Variants in CELF2 observed in about 807,000 individuals in gnomAD.
CELF2 encodes the protein CUG triplet repeat RNA-binding protein 2.
In CELF2, 8 loss-of-function variants were observed where a neutral mutation model predicts 62.6. The ratio of observed to expected loss-of-function variants is 0.13; its 90% CI spans 0.07 to 0.23. CELF2 has a LOEUF of 0.23. CELF2 is among the 10% of genes least tolerant of loss of function. CELF2 has a pLI of 1.00. For missense variants in CELF2, 333 were observed against 671.0 expected, an observed-to-expected ratio of 0.50 and a Z score of 5.56; for synonymous variants, 258 against 250.0, an observed-to-expected ratio of 1.03 and a Z score of -0.30.
intron 1 of CELF2, among the ~76,000 whole-genome samples, chr10:11,045,510 A>C (rs2062656033): frequency 2.6e-5 from 4 of 152,240 alleles, no homozygotes; most frequent in Non-Finnish European, 1.5e-5. Context: ...AGTTTGTGTG[A>C]GAATTCAATG....
chr10:11,033,944 A>G (rs997142429), intron 1 of CELF2, among the ~76,000 whole-genome samples: 1 of 152,198 alleles, frequency 6.6e-6, no homozygotes, highest in African/African-American at 2.4e-5. Context: ...TTTCTGTACT[A>G]CCTGTTCCCT....
the CELF2 span, among the ~76,000 whole-genome samples, chr10:10,770,130 G>A: frequency 6.6e-6 from 1 of 152,200 alleles, no homozygotes; most frequent in Admixed American, 6.5e-5. Flanking sequence ...AGAGCTTCTA[G>A]ATGGATGCGG....
chr10:10,831,380 A>G (rs1421011940), intron 1 of CELF2, among the ~76,000 whole-genome samples: 1 of 152,180 alleles, frequency 6.6e-6, no homozygotes, highest in Non-Finnish European at 1.5e-5. Flanking sequence ...TGCCCTTCCT[A>G]CATCAGGCAG....
chr10:10,600,485 G>A, the CELF2 span, among the ~76,000 whole-genome samples: 1 of 152,174 alleles, frequency 6.6e-6, no homozygotes, highest in African/African-American at 2.4e-5. Flanking sequence ...AGACATGGAA[G>A]TTACCTGCAT....
rs185801986 is a variant in CELF2 at position 11,198,342 on chromosome 10, T to A, written c.272-19083T>A. Among the ~76,000 whole-genome samples the A allele has an allele frequency of 5.4e-4, 83 of 152,356 alleles. 1 individual carries two copies. The highest frequency in any genetic ancestry group is 1.9e-3 in the African/African-American group (81 of 41,580). Reference sequence around the variant, plus strand: ...CTTTCCCAAATTGGGTAGTTCTATTTTGTTATCTTCTGAAGGGAAAACATG... The same window carrying A: ...CTTTCCCAAATTGGGTAGTTCTATTATGTTATCTTCTGAAGGGAAAACATG... On this transcript the variant is annotated intron_variant, in intron 2 of 12. Coordinates refer to ENST00000633077, the MANE Select transcript of CELF2 (RefSeq NM_001326342.2).
chr10:10,669,383 T>C, the CELF2 span, among the ~76,000 whole-genome samples: 3 of 152,364 alleles, frequency 2.0e-5, no homozygotes, highest in East Asian at 1.9e-4. Context: ...CCTAGAATTA[T>C]ACTGCACAGG....
intron 1 of CELF2, among the ~76,000 whole-genome samples, chr10:11,040,987 C>T (rs966754496): frequency 5.9e-5 from 9 of 152,100 alleles, no homozygotes; most frequent in South Asian, 2.1e-4. Context: ...ATAGACTGGA[C>T]GACTTAAACA....
the CELF2 span, among the ~76,000 whole-genome samples, chr10:10,659,501 T>C: frequency 1.8e-4 from 27 of 152,298 alleles, 1 homozygote; most frequent in South Asian, 2.1e-3. Context: ...CTCATCTTCT[T>C]GCTTCAAATC....
chr10:10,704,549 A>G, the CELF2 span, among the ~76,000 whole-genome samples: 1 of 152,190 alleles, frequency 6.6e-6, no homozygotes, highest in Non-Finnish European at 1.5e-5. Flanking sequence ...ATAATCAAAC[A>G]TACATCAAGG....
chr10:10,637,491 C>A, the CELF2 span, among the ~76,000 whole-genome samples: 1 of 152,162 alleles, frequency 6.6e-6, no homozygotes, highest in Non-Finnish European at 1.5e-5. Flanking sequence ...AAACTTTTCA[C>A]GTCAGCCCTG....
At chr10:10,960,463 T>C (rs1032460737) in intron 2 of CELF2, 3 of 152,250 alleles carry the variant, frequency 2.0e-5, no homozygotes, top group African/African-American at 7.2e-5. Flanking sequence ...TATTAGTTGA[T>C]ATAACCATGC....
the CELF2 span, among the ~76,000 whole-genome samples, chr10:10,559,968 T>C: frequency 6.6e-6 from 1 of 152,174 alleles, no homozygotes; most frequent in Non-Finnish European, 1.5e-5. Context: ...TGTACTTCTG[T>C]AGTGTATATG....
rs2082532744 is a variant in CELF2 at position 11,267,653 on chromosome 10, C to A, written c.618+976C>A. 6.6e-6 allele frequency among the ~76,000 whole-genome samples: 1 copy of A among 151,910 alleles called. No individual in the cohort carries two copies. Among genetic ancestry groups the A allele is most frequent in the Admixed American group, 6.6e-5 (1 of 15,260 alleles). ...TTTTCTTGATTGAGCTTCTGTTTTC[C>A]CCCCATTTTGTTGGGGTTTTATTTT... On this transcript the variant is annotated intron_variant, in intron 6 of 12. Coordinates refer to ENST00000633077, the MANE Select transcript of CELF2 (RefSeq NM_001326342.2). This position sits in a 1 kb window ranked among gnomAD's most constrained non-coding sequence, Gnocchi z 4.4.
chr10:10,980,821 A>G (rs552901980), intron 2 of CELF2, among the ~76,000 whole-genome samples: 7 of 151,884 alleles, frequency 4.6e-5, no homozygotes, highest in South Asian at 2.1e-4. Context: ...GGGCCTTCCT[A>G]TGTTTCTCTG....
At chr10:11,283,210 G>A (rs2089623661) in intron 8 of CELF2, among the ~76,000 whole-genome samples, 1 of 152,190 alleles carries the variant, frequency 6.6e-6, no homozygotes, top group Admixed American at 6.5e-5. Context: ...GCTTTCCTGT[G>A]CTTCTCTACC....
the CELF2 span, among the ~76,000 whole-genome samples, chr10:10,770,360 A>G: frequency 2.0e-5 from 3 of 152,022 alleles, no homozygotes; most frequent in African/African-American, 7.2e-5. Flanking sequence ...TCAAACAGCC[A>G]GCAAGCAGGA....
the CELF2 span, among the ~76,000 whole-genome samples, chr10:10,469,004 A>G: frequency 1.3e-5 from 2 of 151,962 alleles, no homozygotes; most frequent in Non-Finnish European, 2.9e-5. Context: ...AACTTATTAC[A>G]GTGCAAAAAA....
At chr10:11,027,784 A>G (rs556599151) in intron 1 of CELF2, among the ~76,000 whole-genome samples, 3 of 152,156 alleles carry the variant, frequency 2.0e-5, no homozygotes, top group Non-Finnish European at 4.4e-5. Flanking sequence ...AATCTGTTCC[A>G]TGCCTACTTC....
Position 11,285,618 on chromosome 10 carries a change from C to G in CELF2, c.842-2800C>G, listed in dbSNP as rs539875139. On this transcript the variant is annotated intron_variant, in intron 8 of 12. Coordinates refer to ENST00000633077, the MANE Select transcript of CELF2 (RefSeq NM_001326342.2). This position sits in a 1 kb window ranked among gnomAD's most constrained non-coding sequence, Gnocchi z 4.3. ...ACATGGGCCCTAGTAAGTATCTGTA[C>G]AGTGGATTAGTTAATGATTGAGAGG... Among the ~76,000 whole-genome samples the G allele has an allele frequency of 2.0e-5, 3 of 152,114 alleles. No individual in the cohort carries two copies. Among genetic ancestry groups the G allele is most frequent in the African/African-American group, 7.2e-5 (3 of 41,400 alleles).
Sources: allele counts gnomAD v4.1 joint callset (sites outside exome capture counted in the v4.1 genomes callset), GRCh38; gene constraint gnomAD v4.1.1; non-coding constraint Gnocchi (gnomAD v3.1); transcripts MANE v1.5; gene names NCBI Gene and HGNC (gene_info 2026-07-23, HGNC 2026-07-21).